SEC61A1: variants seen among roughly 807,000 people sequenced by gnomAD.
SEC61A1 encodes the protein SEC61 translocon subunit alpha 1.
A neutral mutation model predicts 55.2 loss-of-function variants in SEC61A1; 15 were observed. The observed-to-expected ratio is 0.27, with a 90% CI of 0.18 to 0.42. SEC61A1 has a LOEUF of 0.42. Among genes scored for constraint, SEC61A1 ranks in the 10% least tolerant of loss-of-function variants. SEC61A1 has a pLI of 1.00. For synonymous variants in SEC61A1, 247 were observed against 234.0 expected, an observed-to-expected ratio of 1.06 and a Z score of -0.51; for missense variants, 284 against 602.6, an observed-to-expected ratio of 0.47 and a Z score of 5.53.
At chr3:128,056,934 TTTA>T in intron 5 of SEC61A1, 94 bp downstream of exon 5, 1 of 945,478 alleles carries the variant, frequency 1.1e-6, no homozygotes, top group Non-Finnish European at 1.4e-6. Flanking sequence ...TTATTTATTT[TTTA>T]TTTTTTTTTT....
chr3:128,052,466 G>A lies in SEC61A1; in HGVS notation c.-87G>A. ...TGTCTCTCGGCGGAGCTGCTGTGCA[G>A]TGGAACGCGCTGGGCCGCGGGCAGC... On this transcript the variant is annotated 5_prime_UTR_variant, in exon 1 of 12. It adds an upstream start codon to the 5' untranslated region. Coordinates refer to ENST00000243253, the MANE Select transcript of SEC61A1 (RefSeq NM_013336.4). The A allele has an allele frequency of 6.5e-7, 1 of 1,532,080 alleles. No homozygotes were observed. The highest frequency in any genetic ancestry group is 1.2e-5 in the South Asian group (1 of 80,946). The allele number at this position is 1,532,080 out of a possible 1,614,324, so 94.9% of individuals were successfully genotyped here.
chr3:128,052,520 G>A lies in SEC61A1; in HGVS notation c.-33G>A. ...GCCTCACGCGGAGCAGAGCTGAGCT[G>A]AAGCGGGACCCGGAGCCCGAGCAGC... On this transcript the variant is annotated 5_prime_UTR_variant, in exon 1 of 12. Transcript: ENST00000243253. 2 of 1,593,266 alleles carry A rather than the reference G, an allele frequency of 1.3e-6. No individual in the cohort carries two copies. The highest frequency in any genetic ancestry group is 1.7e-6 in the Non-Finnish European group (2 of 1,170,858).
intron 7 of SEC61A1, among the ~76,000 whole-genome samples, chr3:128,061,183 A>C (rs1209082791): frequency 2.0e-5 from 3 of 152,234 alleles, no homozygotes; most frequent in African/African-American, 7.2e-5. Flanking sequence ...TGTTAGTCAT[A>C]CATACGTGGC....
rs374916673 is a variant in SEC61A1 at position 128,056,697 on chromosome 3, C to G, written c.221-12C>G. The G allele has an allele frequency of 1.3e-6, 2 of 1,517,900 alleles. No homozygotes were observed. Among genetic ancestry groups the G allele is most frequent in the East Asian group, 4.7e-5 (2 of 42,226 alleles). The allele number at this position is 1,517,900 out of a possible 1,614,324, so 94.0% of individuals were successfully genotyped here. A position where few individuals can be genotyped will look rare whatever the true frequency, so the allele number is the denominator to read the frequency against. On this transcript the variant is annotated splice_polypyrimidine_tract_variant and intron_variant, in intron 4 of 11. Coordinates refer to ENST00000243253, the MANE Select transcript of SEC61A1 (RefSeq NM_013336.4). ...GCTGATATTGACTGTTTTGCTTCCC[C>G]GTTTCCTCAAGGCACATTGATGGAG...
chr3:128,058,516 G>T (rs1212254429), intron 5 of SEC61A1, among the ~76,000 whole-genome samples: 1 of 152,088 alleles, frequency 6.6e-6, no homozygotes, highest in African/African-American at 2.4e-5. Context: ...GCCCAGCCAA[G>T]AAATACATCT....
At chr3:128,060,783 T>C (rs1185149902) in intron 7 of SEC61A1, 122 bp downstream of exon 7, 70 of 1,043,864 alleles carry the variant, frequency 6.7e-5, no homozygotes, top group Admixed American at 1.2e-4. Context: ...GGTTTATCTC[T>C]TCTGGTGTTT....
At position 128,060,615 on chromosome 3, in the gene SEC61A1, C is replaced by G. The variant is rs373103369; in HGVS notation, c.570C>G (p.Thr190=). The change falls in exon 7 of 12, where the codon ACC becomes ACG. Residue 190 remains threonine, a synonymous_variant. Coordinates refer to ENST00000243253, the MANE Select transcript of SEC61A1 (RefSeq NM_013336.4). ...SLFIATNICE[T]IVWKAFSPTT... ...TCATTGCAACTAACATCTGTGAAACCATCGTATGGAAGGCATTCAGCCCCA... is the reference window on the plus strand; with the variant it reads ...TCATTGCAACTAACATCTGTGAAACGATCGTATGGAAGGCATTCAGCCCCA... 7 of 1,614,020 alleles carry G rather than the reference C, an allele frequency of 4.3e-6. No individual in the cohort carries two copies. In the African/African-American group the frequency reaches 6.7e-5, roughly 15 times the overall value.
upstream of SEC61A1, among the ~76,000 whole-genome samples, chr3:128,052,181 C>T (rs1215137806): frequency 6.6e-6 from 1 of 151,974 alleles, no homozygotes; most frequent in Non-Finnish European, 1.5e-5. Flanking sequence ...GTGACACACC[C>T]TCCCCGCGCG....
In SEC61A1 at chr3:128,065,732, ATTT is replaced by A. The variant is rs758640768; in HGVS notation, c.777+715_777+717del. Among the ~76,000 whole-genome samples, 4 of 97,506 alleles carry A rather than the reference ATTT, an allele frequency of 4.1e-5. No homozygotes were observed. The East Asian group carries it at 9.1e-4, about 22-fold the overall frequency. The allele number at this position is 97,506 out of a possible 152,430, so 64.0% of individuals were successfully genotyped here. A position where few individuals can be genotyped will look rare whatever the true frequency, so the allele number is the denominator to read the frequency against. On this transcript the variant is annotated intron_variant, in intron 8 of 11. Coordinates refer to ENST00000243253, the MANE Select transcript of SEC61A1 (RefSeq NM_013336.4). ...AGAATTTGCAGTCAGATCATTAAGAATTTTTTTTTTTTTTTTTTTTTTGAGACG... is the reference window on the plus strand; with the variant it reads ...AGAATTTGCAGTCAGATCATTAAGAATTTTTTTTTTTTTTTTTTTGAGACG...
In SEC61A1 at chr3:128,060,630, A is replaced by T; in HGVS notation, c.585A>T (p.Ala195=). ...TNICETIVWK[A]FSPTTVNTGR... Reference sequence around the variant, plus strand: ...TCTGTGAAACCATCGTATGGAAGGCATTCAGCCCCACTACTGTCAACACTG... The same window carrying T: ...TCTGTGAAACCATCGTATGGAAGGCTTTCAGCCCCACTACTGTCAACACTG... Residue 195 remains alanine, a synonymous_variant, in exon 7 of 12, where the codon GCA becomes GCT. Coordinates refer to ENST00000243253, the MANE Select transcript of SEC61A1 (RefSeq NM_013336.4). The T allele has an allele frequency of 6.2e-7, 1 of 1,614,226 alleles. No individual in the cohort carries two copies. Among genetic ancestry groups the T allele is most frequent in the Non-Finnish European group, 8.5e-7 (1 of 1,180,046 alleles).
At chr3:128,059,593 A>G (rs1253821390) in intron 5 of SEC61A1, among the ~76,000 whole-genome samples, 1 of 152,192 alleles carries the variant, frequency 6.6e-6, no homozygotes, top group Non-Finnish European at 1.5e-5. Flanking sequence ...TAAAAACTTG[A>G]GAAGGGATCA....
intron 7 of SEC61A1, 26 bp downstream of exon 7, chr3:128,060,687 G>A (rs765561318): frequency 2.1e-5 from 34 of 1,602,524 alleles, no homozygotes; most frequent in Admixed American, 1.7e-5. Flanking sequence ...TCCCCTGGTG[G>A]CGACAGCTTT....
At position 128,068,077 on chromosome 3, in the gene SEC61A1, G is replaced by C; in HGVS notation, c.1244+18G>C. On this transcript the variant is annotated intron_variant, in intron 11 of 11. Transcript: ENST00000243253. ...CTCAACCGGTGAGTGGTGGCCCCAG[G>C]TCCCCAACCTCCCGTCTGTGGACAT... The C allele has an allele frequency of 6.2e-7, 1 of 1,605,634 alleles. No homozygotes were observed. Among genetic ancestry groups the C allele is most frequent in the Non-Finnish European group, 8.5e-7 (1 of 1,172,640 alleles).
intron 1 of SEC61A1, 23 bp downstream of exon 1, chr3:128,052,582 A>G (rs761592214): frequency 1.8e-5 from 29 of 1,593,758 alleles, no homozygotes; most frequent in East Asian, 1.6e-4. Flanking sequence ...GGGAAGCCCT[A>G]TTGAGGCCGG....
chr3:128,060,232 T>G (rs1469634668), intron 6 of SEC61A1, 21 bp downstream of exon 6: 15 of 1,503,668 alleles, frequency 1.0e-5, no homozygotes, highest in Non-Finnish European at 1.4e-5. Flanking sequence ...TGCTAACATC[T>G]CCCTTTGAGT....
intron 5 of SEC61A1, among the ~76,000 whole-genome samples, chr3:128,057,180 C>T (rs553523963): frequency 6.6e-6 from 1 of 152,352 alleles, no homozygotes; most frequent in African/African-American, 2.4e-5. Flanking sequence ...GATCCACCCG[C>T]CTCGGCCTCC....
chr3:128,055,441 T>C, intron 2 of SEC61A1, 75 bp from the exon 3 acceptor site: 2 of 1,150,362 alleles, frequency 1.7e-6, no homozygotes, highest in Non-Finnish European at 2.6e-6. Flanking sequence ...GAGAAAGGGG[T>C]CTGATTGGAG....
intron 6 of SEC61A1, 121 bp from the exon 7 acceptor site, chr3:128,060,387 G>C: frequency 8.4e-7 from 1 of 1,187,560 alleles, no homozygotes; most frequent in Non-Finnish European, 1.2e-6. Context: ...CGCTCTCTGG[G>C]GCTGAGGATG....
chr3:128,069,014 T>C (rs1163913154), intron 11 of SEC61A1: 1 of 152,848 alleles, frequency 6.5e-6, no homozygotes, highest in Non-Finnish European at 1.5e-5. Flanking sequence ...CTCTTAATAT[T>C]AAGCTGCTGG....
Sources: allele counts gnomAD v4.1 joint callset (sites outside exome capture counted in the v4.1 genomes callset), GRCh38; gene constraint gnomAD v4.1.1; transcripts MANE v1.5; gene names NCBI Gene and HGNC (gene_info 2026-07-23, HGNC 2026-07-21).